The following DLG2 variants were observed in gnomAD, a reference collection of about 807,000 sequenced individuals.
DLG2 encodes discs large MAGUK scaffold protein 2.
Under a neutral mutation model 132.5 loss-of-function variants are expected in DLG2, and 45 were observed. The ratio of observed to expected loss-of-function variants is 0.34; its 90% confidence interval spans 0.27 to 0.44. The LOEUF (loss-of-function observed/expected upper bound fraction) is 0.44. DLG2 is among the 20% of genes least tolerant of loss of function. The pLI is 1.00. For missense variants in DLG2, 1,045 were observed against 1,196.9 expected (o/e 0.87, Z 1.87); for synonymous variants, 424 against 419.6 (o/e 1.01, Z -0.13).
chr11:85,351,455 G>C (rs962971808), intron 3 of DLG2, among the ~76,000 whole-genome samples: 20 of 152,208 alleles, frequency 1.3e-4, no homozygotes, highest in Non-Finnish European at 2.1e-4. Context: ...ATGTTGAATA[G>C]GAGTGGTGAG....
intron 19 of DLG2, among the ~76,000 whole-genome samples, chr11:83,617,668 G>T (rs964863032): frequency 6.6e-6 from 1 of 152,090 alleles, no homozygotes; most frequent in African/African-American, 2.4e-5. Flanking sequence ...AGTGATAGAA[G>T]GTGTCTCATA....
At position 85,260,218 on chromosome 11, in the gene DLG2, G is replaced by A. The variant is rs578099944; in HGVS notation, c.186+25002C>T. 4.6e-5 allele frequency among the ~76,000 whole-genome samples: 7 copies of A among 152,276 alleles called. No individual in the cohort carries two copies. The South Asian group carries it at 1.4e-3, about 32-fold the overall frequency. On this transcript the variant is annotated intron_variant, in intron 4 of 27. Coordinates refer to ENST00000376104, the MANE Select transcript of DLG2 (RefSeq NM_001142699.3). ...AGAATTAATGTGATGCCCTTAATAA[G>A]CCTGGCACAGTATAAGTACTCAGGC...
intron 14 of DLG2, among the ~76,000 whole-genome samples, chr11:83,948,363 CA>C (rs2084595185): frequency 6.6e-6 from 1 of 152,054 alleles, no homozygotes. Context: ...TAAGTTCTTT[CA>C]GCAAATGCTT....
intron 6 of DLG2, among the ~76,000 whole-genome samples, chr11:85,059,049 G>C (rs527920738): frequency 3.3e-5 from 5 of 151,308 alleles, no homozygotes; most frequent in African/African-American, 9.7e-5. Context: ...AAAAGTCGCC[G>C]TTAGAAAAAG....
At chr11:84,001,530 T>G (rs565741318) in intron 11 of DLG2, among the ~76,000 whole-genome samples, 1 of 152,210 alleles carries the variant, frequency 6.6e-6, no homozygotes, top group East Asian at 1.9e-4. Flanking sequence ...CCACTCGGCA[T>G]TAGACAGATC....
chr11:83,736,168 G>T (rs1291168663), intron 18 of DLG2, among the ~76,000 whole-genome samples: 1 of 152,130 alleles, frequency 6.6e-6, no homozygotes, highest in Non-Finnish European at 1.5e-5. Context: ...GAGCATGATA[G>T]TATATTTGTT....
rs35941912 is a variant in DLG2, at chr11:85,377,784, C to CATATATAT, written c.41-92427_41-92420dup. On this transcript the variant is annotated intron_variant, in intron 3 of 27. Coordinates refer to ENST00000376104, the MANE Select transcript of DLG2 (RefSeq NM_001142699.3). Reference sequence around the variant, plus strand: ...GCTAAGTGCAATTTGTGTGTGTATACATATATATATATATATATATGTGTG... The same window carrying CATATATAT: ...GCTAAGTGCAATTTGTGTGTGTATACATATATATATATATATATATATATATATGTGTG... Among the ~76,000 whole-genome samples the CATATATAT allele has an allele frequency of 5.0e-3, 645 of 130,208 alleles. 2 individuals carry two copies. Among genetic ancestry groups the CATATATAT allele is most frequent in the African/African-American group, 0.01 (364 of 35,354 alleles). 85.4% of individuals were successfully genotyped at this position (130,208 alleles called of 152,430 possible). A position where few individuals can be genotyped will look rare whatever the true frequency, so the allele number is the denominator to read the frequency against.
chr11:84,938,738 C>T (rs1038808160), intron 6 of DLG2, among the ~76,000 whole-genome samples: 1 of 152,168 alleles, frequency 6.6e-6, no homozygotes, highest in Admixed American at 6.6e-5. Context: ...AGCAACCATG[C>T]TTTCTAATTT....
intron 6 of DLG2, among the ~76,000 whole-genome samples, chr11:84,636,171 T>G (rs1460026081): frequency 1.3e-5 from 2 of 152,198 alleles, no homozygotes; most frequent in African/African-American, 4.8e-5. Context: ...AACAAATGTA[T>G]AGTCACAGAA....
intron 6 of DLG2, among the ~76,000 whole-genome samples, chr11:84,740,724 C>A (rs572195067): frequency 1.3e-5 from 2 of 152,296 alleles, no homozygotes; most frequent in South Asian, 2.1e-4. Flanking sequence ...GGGAAACCAA[C>A]CCCTGCCACC....
chr11:85,452,612 T>G (rs1479266516), intron 3 of DLG2: 2 of 202,132 alleles, frequency 9.9e-6, no homozygotes, highest in Non-Finnish European at 1.1e-5. Flanking sequence ...TATCAGGCCA[T>G]CTTGGGAGGA....
At chr11:84,911,795 T>C (rs1369468017) in intron 6 of DLG2, among the ~76,000 whole-genome samples, 1 of 152,230 alleles carries the variant, frequency 6.6e-6, no homozygotes, top group African/African-American at 2.4e-5. Flanking sequence ...TAGTGACCTC[T>C]ATGCACCAAA....
chr11:83,772,017 C>T (rs765996009), intron 18 of DLG2, among the ~76,000 whole-genome samples: 11 of 152,016 alleles, frequency 7.2e-5, no homozygotes, highest in South Asian at 2.1e-4. Context: ...TAGAAAATCA[C>T]ACCAGTTAAT....
At chr11:85,157,435 G>A (rs747358566) in intron 4 of DLG2, among the ~76,000 whole-genome samples, 1 of 151,710 alleles carries the variant, frequency 6.6e-6, no homozygotes, top group Non-Finnish European at 1.5e-5. Flanking sequence ...GGCATGAACT[G>A]TTTAGAGAGT....
At chr11:83,836,158 A>G (rs1467299456) in intron 16 of DLG2, among the ~76,000 whole-genome samples, 1 of 152,138 alleles carries the variant, frequency 6.6e-6, no homozygotes, top group Non-Finnish European at 1.5e-5. Flanking sequence ...TCACCCTCTC[A>G]ATGCTTTTTT....
At chr11:84,356,988 G>C (rs978264717) in intron 7 of DLG2, among the ~76,000 whole-genome samples, 3 of 152,042 alleles carry the variant, frequency 2.0e-5, no homozygotes, top group Admixed American at 1.3e-4. Flanking sequence ...TCAAGAATGA[G>C]TAAGAGAGTT....
chr11:84,131,880 A>G (rs910767515), intron 9 of DLG2, among the ~76,000 whole-genome samples: 1 of 151,704 alleles, frequency 6.6e-6, no homozygotes, highest in Non-Finnish European at 1.5e-5. Context: ...AACTGGATGC[A>G]TTATCATGTA....
At chr11:84,787,641 C>T (rs1383854723) in intron 6 of DLG2, among the ~76,000 whole-genome samples, 2 of 152,132 alleles carry the variant, frequency 1.3e-5, no homozygotes, top group African/African-American at 4.8e-5. Flanking sequence ...AGCCTTGTGT[C>T]TAAAGAATAT....
intron 6 of DLG2, among the ~76,000 whole-genome samples, chr11:84,978,613 T>C (rs1487332315): frequency 2.6e-5 from 4 of 152,174 alleles, no homozygotes; most frequent in South Asian, 2.1e-4. Flanking sequence ...GCTAGCCATA[T>C]GTAGAAAGCT....
Sources: gnomAD v4.1 joint callset for allele counts (sites outside exome capture counted in the v4.1 genomes callset) on GRCh38, gnomAD v4.1.1 for gene constraint, MANE v1.5 for transcripts, NCBI Gene and HGNC (gene_info 2026-07-23, HGNC 2026-07-21) for gene names.